Variants in SLC7A7 observed in about 807,000 individuals in gnomAD.
SLC7A7 encodes Y+L amino acid transporter 1.
SLC7A7 carries 39 observed loss-of-function variants against 47.9 expected under a neutral mutation model. The ratio of observed to expected loss-of-function variants is 0.81; its 90% CI spans 0.63 to 1.06. SLC7A7 has a LOEUF of 1.06. Among genes scored for constraint, SLC7A7 ranks in the 50% least tolerant of loss-of-function variants. The probability of loss-of-function intolerance (pLI) is 0.00; values close to 1 mark genes in which losing one functional copy is unlikely to be tolerated. For synonymous variants in SLC7A7, 234 were observed against 242.8 expected (o/e 0.96, Z 0.34); for missense variants, 588 against 632.0 (o/e 0.93, Z 0.75).
intron 2 of SLC7A7, among the ~76,000 whole-genome samples, chr14:22,809,147 A>G (rs1223574263): frequency 6.6e-6 from 1 of 152,046 alleles, no homozygotes; most frequent in Non-Finnish European, 1.5e-5. Flanking sequence ...ACGAACCATA[A>G]CTGCGGCTAC....
chr14:22,783,018 C>T (rs957448479), intron 2 of SLC7A7, among the ~76,000 whole-genome samples: 39 of 151,866 alleles, frequency 2.6e-4, no homozygotes, highest in Admixed American at 1.2e-3. Flanking sequence ...ACTGCAACCT[C>T]TGCCTCCAGG....
intron 3 of SLC7A7, among the ~76,000 whole-genome samples, chr14:22,779,425 C>T (rs565198909): frequency 6.6e-5 from 10 of 151,480 alleles, no homozygotes; most frequent in Non-Finnish European, 1.5e-4. Context: ...CTCTACTTAC[C>T]GGTAGCAACT....
At chr14:22,789,095 T>C (rs2038877321) in intron 2 of SLC7A7, among the ~76,000 whole-genome samples, 1 of 152,196 alleles carries the variant, frequency 6.6e-6, no homozygotes, top group African/African-American at 2.4e-5. Flanking sequence ...ACGTTACTAA[T>C]GATTTCCCAC....
In SLC7A7 at chr14:22,809,303, C is replaced by G. The variant is rs1297874484; in HGVS notation, c.499+3597G>C. Among the ~76,000 whole-genome samples, 3 of 151,642 alleles carry G rather than the reference C, an allele frequency of 2.0e-5. No homozygotes were observed. The South Asian group carries it at 6.2e-4, about 32-fold the overall frequency. On this transcript the variant is annotated intron_variant, in intron 2 of 9. Coordinates refer to ENST00000674313, the MANE Select transcript of SLC7A7 (RefSeq NM_003982.4). ...AAGCGTTCCTCCTGTGTCAGCCTCC[C>G]TAGTAGCTGGGATTATAGGCACCCA...
At chr14:22,778,979 A>C (rs1227062683) in intron 3 of SLC7A7, 42 bp from the exon 4 acceptor site, 23 of 1,611,690 alleles carry the variant, frequency 1.4e-5, no homozygotes, top group Non-Finnish European at 2.0e-5. Context: ...TTAGTGGCTC[A>C]TTCTCCCACT....
chr14:22,782,132 C>T (rs1441394609), intron 2 of SLC7A7, among the ~76,000 whole-genome samples: 2 of 152,080 alleles, frequency 1.3e-5, no homozygotes, highest in Non-Finnish European at 2.9e-5. Context: ...GACAGAGTTT[C>T]ACCCTTGTTG....
chr14:22,805,003 G>A (rs563012895), intron 2 of SLC7A7, among the ~76,000 whole-genome samples: 19 of 152,048 alleles, frequency 1.2e-4, no homozygotes, highest in Non-Finnish European at 2.4e-4. Context: ...GTGAAACTTC[G>A]TCTCAAAAAA....
chr14:22,779,466 TGG>T (rs35748274), intron 3 of SLC7A7, among the ~76,000 whole-genome samples: 24 of 127,272 alleles, frequency 1.9e-4, no homozygotes, highest in African/African-American at 5.5e-4. Context: ...TTTTTTTTTT[TGG>T]GGGGGGGACA....
intron 4 of SLC7A7, 50 bp from the exon 5 acceptor site, chr14:22,776,368 ATCTC>A (rs768518197): frequency 4.6e-5 from 75 of 1,612,956 alleles, no homozygotes; most frequent in Non-Finnish European, 4.2e-5. Flanking sequence ...TCATATCCCT[ATCTC>A]TCCTTTAATC....
At chr14:22,798,578 A>C (rs1005554289) in intron 2 of SLC7A7, among the ~76,000 whole-genome samples, 1 of 152,190 alleles carries the variant, frequency 6.6e-6, no homozygotes, top group South Asian at 2.1e-4. Flanking sequence ...TACCTCAACC[A>C]ACCTAAGGCA....
chr14:22,774,531 T>A, intron 7 of SLC7A7, 28 bp from the exon 8 acceptor site: 1 of 1,614,126 alleles, frequency 6.2e-7, no homozygotes, highest in Non-Finnish European at 8.5e-7. Context: ...AGTCAGCTCT[T>A]CTCAGGGCCT....
At chr14:22,810,316 T>C (rs1294233499) in intron 2 of SLC7A7, among the ~76,000 whole-genome samples, 1 of 149,374 alleles carries the variant, frequency 6.7e-6, no homozygotes, top group South Asian at 2.1e-4. Context: ...AATACAAAAT[T>C]AGCCGGGCAT....
At chr14:22,790,227 G>C (rs572896375) in intron 2 of SLC7A7, among the ~76,000 whole-genome samples, 1 of 150,962 alleles carries the variant, frequency 6.6e-6, no homozygotes, top group South Asian at 2.1e-4. Context: ...TACTCAGGAG[G>C]CTAAGGTGGG....
chr14:22,811,880 T>C (rs970806333), intron 2 of SLC7A7, among the ~76,000 whole-genome samples: 2 of 145,644 alleles, frequency 1.4e-5, no homozygotes, highest in Admixed American at 6.9e-5. Flanking sequence ...GAATCCAGCC[T>C]ACAGAAATAC....
At chr14:22,776,624 G>C (rs996445981) in intron 4 of SLC7A7, among the ~76,000 whole-genome samples, 1 of 152,116 alleles carries the variant, frequency 6.6e-6, no homozygotes, top group Non-Finnish European at 1.5e-5. Context: ...CTCGAGTCTA[G>C]GAGTTGGAGA....
At chr14:22,778,361 T>C (rs2038654858) in intron 4 of SLC7A7, among the ~76,000 whole-genome samples, 1 of 152,142 alleles carries the variant, frequency 6.6e-6, no homozygotes, top group Non-Finnish European at 1.5e-5. Context: ...TGACTGAAAC[T>C]ATACCACAAT....
At chr14:22,783,201 G>C (rs2038751116) in intron 2 of SLC7A7, among the ~76,000 whole-genome samples, 1 of 151,746 alleles carries the variant, frequency 6.6e-6, no homozygotes, top group Non-Finnish European at 1.5e-5. Context: ...CAAAGTGCTG[G>C]GATTACAGGT....
At chr14:22,816,026 C>A, upstream of SLC7A7, 1 of 216,216 alleles carries the variant, frequency 4.6e-6, no homozygotes, top group Non-Finnish European at 9.6e-6. Context: ...AAAGTCTGAG[C>A]CTCAGACTAC....
At chr14:22,803,355 T>C (rs1594974422) in intron 2 of SLC7A7, among the ~76,000 whole-genome samples, 1 of 151,668 alleles carries the variant, frequency 6.6e-6, no homozygotes, top group African/African-American at 2.4e-5. Context: ...AAGGCGGAGG[T>C]TGCAGTGAGC....
Sources: gnomAD v4.1 joint callset for allele counts (sites outside exome capture counted in the v4.1 genomes callset) on GRCh38, gnomAD v4.1.1 for gene constraint, MANE v1.5 for transcripts, NCBI Gene and HGNC (gene_info 2026-07-23, HGNC 2026-07-21) for gene names.